The following RARB variants were observed in gnomAD, a reference collection of about 807,000 sequenced individuals.
The protein encoded by RARB is retinoic acid receptor beta, also known as HBV-activated protein.
RARB carries 17 observed loss-of-function variants against 51.9 expected under a neutral mutation model. That is an observed-to-expected ratio of 0.33 (90% CI 0.22 to 0.49). The LOEUF (loss-of-function observed/expected upper bound fraction) is 0.49. RARB is among the 20% of genes least tolerant of loss of function. RARB has a pLI of 0.99. For missense variants in RARB, 369 were observed against 550.8 expected (o/e 0.67, Z 3.30); for synonymous variants, 215 against 195.4 (o/e 1.10, Z -0.84).
intron 5 of RARB, among the ~76,000 whole-genome samples, chr3:25,214,892 C>T (rs1056918636): frequency 6.6e-6 from 1 of 152,178 alleles, no homozygotes; most frequent in Non-Finnish European, 1.5e-5. Flanking sequence ...CCACTTTCTC[C>T]ATTCTTACCT....
intron 5 of RARB, among the ~76,000 whole-genome samples, chr3:25,217,185 C>G (rs1701853306): frequency 6.6e-6 from 1 of 152,104 alleles, no homozygotes; most frequent in African/African-American, 2.4e-5. Context: ...CTCTCATCTA[C>G]AATTTGGTTA....
chr3:24,996,698 T>G (rs1367223425), intron 2 of RARB, among the ~76,000 whole-genome samples: 2 of 151,868 alleles, frequency 1.3e-5, no homozygotes, highest in Non-Finnish European at 2.9e-5. Context: ...ATGCATAATT[T>G]CTTCCTTTAT....
At chr3:24,934,380 C>A (rs907856851) in intron 2 of RARB, among the ~76,000 whole-genome samples, 1 of 152,078 alleles carries the variant, frequency 6.6e-6, no homozygotes, top group Non-Finnish European at 1.5e-5. Context: ...GTAAGAATAG[C>A]TCTTTTTCAT....
intron 5 of RARB, among the ~76,000 whole-genome samples, chr3:25,209,198 C>T (rs1467130335): frequency 1.3e-5 from 2 of 152,172 alleles, no homozygotes; most frequent in Non-Finnish European, 2.9e-5. Context: ...TCAGTTGGAA[C>T]TCCATTTTGC....
intron 2 of RARB, among the ~76,000 whole-genome samples, chr3:24,966,443 G>A (rs1696274523): frequency 1.3e-5 from 2 of 152,100 alleles, no homozygotes; most frequent in South Asian, 2.1e-4. Context: ...TCAGCAGGTG[G>A]CTTGCATTTT....
At chr3:25,384,391 G>A (rs2291296) in intron 5 of RARB, among the ~76,000 whole-genome samples, 19,114 of 152,214 alleles carry the variant, frequency 0.13, 1,518 homozygotes, top group South Asian at 0.2. Context: ...TGAGCAGCAT[G>A]TAGAATAACA....
In RARB at chr3:25,330,480, A is replaced by C. The variant is rs534801802; in HGVS notation, c.179-130713A>C. ...AGCAAATGCTGAGAGATTTTGTCAC[A>C]ACCAGGCCTGCCCTACAAGAGCTCC... On this transcript the variant is annotated intron_variant, in intron 5 of 11. Transcript: ENST00000383772. 2.7e-3 allele frequency among the ~76,000 whole-genome samples: 407 copies of C among 152,258 alleles called. 1 individual carries two copies. The highest frequency in any genetic ancestry group is 8.1e-3 in the African/African-American group (338 of 41,532).
chr3:24,983,627 T>C (rs1424389144), intron 2 of RARB, among the ~76,000 whole-genome samples: 1 of 152,178 alleles, frequency 6.6e-6, no homozygotes, highest in Admixed American at 6.5e-5. Context: ...AGTGAGAACC[T>C]TTATCTTACT....
At chr3:24,876,910 T>C (rs1317207284) in intron 2 of RARB, among the ~76,000 whole-genome samples, 2 of 152,140 alleles carry the variant, frequency 1.3e-5, no homozygotes, top group African/African-American at 4.8e-5. Context: ...GCAAAACAGA[T>C]TTATCATAAA....
chr3:25,458,480 T>C (rs1695020567), intron 1 of RARB: 1 of 152,234 alleles, frequency 6.6e-6, no homozygotes, highest in Non-Finnish European at 1.5e-5. Flanking sequence ...TGTTTTCTTG[T>C]TAATTCGCTT....
chr3:25,488,109 C>T (rs1202582066), intron 2 of RARB, among the ~76,000 whole-genome samples: 1 of 152,170 alleles, frequency 6.6e-6, no homozygotes, highest in African/African-American at 2.4e-5. Flanking sequence ...TGTGCTATCC[C>T]ACAGAAACAA....
chr3:25,066,479 C>T (rs1199862423), intron 3 of RARB, among the ~76,000 whole-genome samples: 1 of 152,194 alleles, frequency 6.6e-6, no homozygotes, highest in African/African-American at 2.4e-5. Context: ...GGAATAAAGG[C>T]AGTATGGGCA....
At chr3:24,890,815 T>C (rs947319437) in intron 2 of RARB, among the ~76,000 whole-genome samples, 7 of 152,082 alleles carry the variant, frequency 4.6e-5, no homozygotes, top group Admixed American at 2.0e-4. Flanking sequence ...CTCGGCAATA[T>C]TGCATGATAT....
chr3:25,126,426 C>T (rs1023143850), intron 3 of RARB, among the ~76,000 whole-genome samples: 2 of 151,558 alleles, frequency 1.3e-5, no homozygotes, highest in Non-Finnish European at 2.9e-5. Flanking sequence ...TGTTATTTTT[C>T]CAGTGAAAAC....
At chr3:25,017,452 T>C (rs949769569) in intron 2 of RARB, among the ~76,000 whole-genome samples, 2 of 152,108 alleles carry the variant, frequency 1.3e-5, no homozygotes, top group African/African-American at 4.8e-5. Flanking sequence ...AATATAAAAT[T>C]GAGAAGGATT....
chr3:25,052,371 A>C, intron 2 of RARB, among the ~76,000 whole-genome samples: 1 of 152,218 alleles, frequency 6.6e-6, no homozygotes, highest in East Asian at 1.9e-4. Flanking sequence ...TACAATTGCT[A>C]GCTTTAACAA....
intron 1 of RARB, among the ~76,000 whole-genome samples, chr3:25,446,973 T>C (rs1368628839): frequency 6.6e-6 from 1 of 151,892 alleles, no homozygotes; most frequent in Non-Finnish European, 1.5e-5. Flanking sequence ...ATTTAACTTC[T>C]CTAAGCTTCA....
chr3:24,929,690 T>G (rs527878211), intron 2 of RARB, among the ~76,000 whole-genome samples: 2 of 152,090 alleles, frequency 1.3e-5, no homozygotes, highest in Admixed American at 1.3e-4. Flanking sequence ...TAAATTCTTA[T>G]TCCTCTCTAC....
intron 5 of RARB, among the ~76,000 whole-genome samples, chr3:25,423,098 T>C (rs1399469247): frequency 1.3e-5 from 2 of 152,156 alleles, no homozygotes; most frequent in African/African-American, 4.8e-5. Context: ...GTACAGAAAA[T>C]GTTTGCTGAC....
Sources: gnomAD v4.1 joint callset for allele counts (sites outside exome capture counted in the v4.1 genomes callset) on GRCh38, gnomAD v4.1.1 for gene constraint, MANE v1.5 for transcripts, NCBI Gene and HGNC (gene_info 2026-07-23, HGNC 2026-07-21) for gene names.